The following CACNB2 variants were observed in gnomAD, a reference collection of about 807,000 sequenced individuals.
The protein encoded by CACNB2 is calcium voltage-gated channel auxiliary subunit beta 2.
A neutral mutation model predicts 73.3 loss-of-function variants in CACNB2; 42 were observed. That is an observed-to-expected ratio of 0.57 (90% CI 0.45 to 0.74). CACNB2 has a LOEUF of 0.74. CACNB2 is among the 30% of genes least tolerant of loss of function. The probability of loss-of-function intolerance (pLI) is 0.00; values close to 1 mark genes in which losing one functional copy is unlikely to be tolerated. For missense variants in CACNB2, 940 were observed against 853.0 expected (o/e 1.10, Z -1.27); for synonymous variants, 348 against 310.3 (o/e 1.12, Z -1.28).
chr10:18,496,780 C>T (rs2049846260), intron 3 of CACNB2, among the ~76,000 whole-genome samples: 1 of 131,924 alleles, frequency 7.6e-6, no homozygotes, highest in Non-Finnish European at 1.5e-5. Flanking sequence ...TGCCATTGCT[C>T]TCCAGCTTGG....
chr10:18,279,744 G>A (rs2038459763), intron 2 of CACNB2, among the ~76,000 whole-genome samples: 1 of 152,190 alleles, frequency 6.6e-6, no homozygotes, highest in Non-Finnish European at 1.5e-5. Context: ...GCTCTTCAAA[G>A]TCATTGGTAC....
In CACNB2 at chr10:18,289,294, TTTG is replaced by T. The variant is rs1268532237; in HGVS notation, c.214-112627_214-112625del. Among the ~76,000 whole-genome samples, 212 of 56,146 alleles carry T rather than the reference TTTG, an allele frequency of 3.8e-3. 23 individuals are homozygous for T. The highest frequency in any genetic ancestry group is 0.019 in the African/African-American group (184 of 9,586). 36.8% of individuals were successfully genotyped at this position (56,146 alleles called of 152,430 possible). On this transcript the variant is annotated intron_variant, in intron 2 of 13. Coordinates refer to ENST00000324631, the MANE Select transcript of CACNB2 (RefSeq NM_201596.3). ...TCATTTTTTTTTCTTGTTTTTTTGT[TTTG>T]TTTTTTTTTTTTTTTGAGATGGGGT... is the stretch of plus-strand genomic sequence containing the variant.
intron 3 of CACNB2, among the ~76,000 whole-genome samples, chr10:18,406,602 T>G (rs2044300961): frequency 6.6e-6 from 1 of 152,220 alleles, no homozygotes; most frequent in Non-Finnish European, 1.5e-5. Context: ...CACCCCTGGA[T>G]GGGACCATCT....
intron 11 of CACNB2, among the ~76,000 whole-genome samples, chr10:18,535,479 TA>T (rs559995842): frequency 6.6e-6 from 1 of 151,840 alleles, no homozygotes; most frequent in Non-Finnish European, 1.5e-5. Context: ...CTATTTTTAT[TA>T]AAAAAAATTC....
intron 2 of CACNB2, chr10:18,238,514 T>C (rs1353332079): frequency 6.6e-6 from 1 of 152,194 alleles, no homozygotes; most frequent in Non-Finnish European, 1.5e-5. Context: ...TTCCATCCAA[T>C]GTGAACCTAA....
chr10:18,215,453 G>T (rs923240274), intron 2 of CACNB2, among the ~76,000 whole-genome samples: 1 of 152,124 alleles, frequency 6.6e-6, no homozygotes, highest in Non-Finnish European at 1.5e-5. Context: ...GATTTGCAAA[G>T]AATTTTAAGT....
At chr10:18,261,566 C>T (rs2037544577) in intron 2 of CACNB2, among the ~76,000 whole-genome samples, 2 of 152,064 alleles carry the variant, frequency 1.3e-5, no homozygotes, top group Non-Finnish European at 2.9e-5. Context: ...ATAACTTGCG[C>T]GGGGATTGGT....
At chr10:18,338,342 A>C (rs1564448269) in intron 2 of CACNB2, among the ~76,000 whole-genome samples, 1 of 152,222 alleles carries the variant, frequency 6.6e-6, no homozygotes, top group African/African-American at 2.4e-5. Context: ...AGGGAAATGC[A>C]AGTCAAAATC....
At chr10:18,348,233 T>C (rs55757115) in intron 2 of CACNB2, among the ~76,000 whole-genome samples, 2,830 of 152,338 alleles carry the variant, frequency 0.019, 44 homozygotes, top group Non-Finnish European at 0.026. Flanking sequence ...TAGACATAAA[T>C]ATTTAAAGAA....
In CACNB2 at chr10:18,498,386, A is replaced by G. The variant is rs2049967064; in HGVS notation, c.365A>G (p.Asn122Ser). ...CCCGTTGCATTTGCGGTTCGGACAA[A>G]TGTCAGCTACAGTGCGGCCCATGAA... is the stretch of plus-strand genomic sequence containing the variant. ...TKPVAFAVRT[N>S]VSYSAAHEDD... Residue 122 changes from asparagine (N) to serine (S), a missense_variant, in exon 4 of 14, where the codon AAT (asparagine) becomes AGT (serine). Asn to Ser is a conservative substitution (Grantham distance 46). Coordinates refer to ENST00000324631, the MANE Select transcript of CACNB2 (RefSeq NM_201596.3). 6.2e-7 allele frequency: 1 copy of G among 1,614,120 alleles called. No homozygotes were observed. The highest frequency in any genetic ancestry group is 8.5e-7 in the Non-Finnish European group (1 of 1,180,000).
intron 3 of CACNB2, among the ~76,000 whole-genome samples, chr10:18,483,014 A>G (rs2048867391): frequency 6.6e-6 from 1 of 152,070 alleles, no homozygotes. Context: ...CGGCCCCTTC[A>G]AACAGAGCAA....
intron 2 of CACNB2, among the ~76,000 whole-genome samples, chr10:18,221,905 T>C (rs1003624865): frequency 2.6e-5 from 4 of 152,200 alleles, no homozygotes; most frequent in African/African-American, 4.8e-5. Flanking sequence ...GAAAGTAGCA[T>C]TGGCCCAATT....
intron 3 of CACNB2, among the ~76,000 whole-genome samples, chr10:18,446,450 G>T (rs2046738306): frequency 6.6e-6 from 1 of 152,142 alleles, no homozygotes. Flanking sequence ...GCAGGGGCCT[G>T]ACATGTTAAG....
chr10:18,509,460 A>G (rs1403065648), intron 6 of CACNB2, among the ~76,000 whole-genome samples: 1 of 152,174 alleles, frequency 6.6e-6, no homozygotes, highest in Non-Finnish European at 1.5e-5. Context: ...TGTCAAGCCC[A>G]AGCTCTGCTT....
rs542900897 is a variant in CACNB2 at position 18,505,146 on chromosome 10, T to TAAA, written c.594-1325_594-1324insAAA. Among the ~76,000 whole-genome samples the TAAA allele has an allele frequency of 2.7e-3, 406 of 152,224 alleles. 3 individuals carry two copies. The highest frequency in any genetic ancestry group is 9.4e-3 in the African/African-American group (392 of 41,536). On this transcript the variant is annotated intron_variant, in intron 5 of 13. Coordinates refer to ENST00000324631, the MANE Select transcript of CACNB2 (RefSeq NM_201596.3). Reference sequence around the variant, plus strand: ...CTGGTCATTGTCACCATTTGCAGCATTTGTCACAATTTTACATAAATAATA... The same window carrying TAAA: ...CTGGTCATTGTCACCATTTGCAGCATAAATTGTCACAATTTTACATAAATAATA...
chr10:18,400,565 C>A (rs1014459550), intron 2 of CACNB2: 13 of 1,021,200 alleles, frequency 1.3e-5, no homozygotes, highest in East Asian at 9.6e-5. Context: ...CCGCCTCCCC[C>A]CTCCCCCTCG....
At chr10:18,482,458 G>A (rs962087866) in intron 3 of CACNB2, among the ~76,000 whole-genome samples, 11 of 152,086 alleles carry the variant, frequency 7.2e-5, no homozygotes, top group African/African-American at 2.7e-4. Context: ...AATATCTCCT[G>A]GCTAGACTGA....
chr10:18,270,175 G>A (rs990080360), intron 2 of CACNB2, among the ~76,000 whole-genome samples: 7 of 152,084 alleles, frequency 4.6e-5, no homozygotes, highest in Non-Finnish European at 7.4e-5. Flanking sequence ...TTCACGTGGC[G>A]GCAGGAGAGA....
chr10:18,298,569 A>G (rs1341539962), intron 2 of CACNB2, among the ~76,000 whole-genome samples: 1 of 152,192 alleles, frequency 6.6e-6, no homozygotes, highest in Non-Finnish European at 1.5e-5. Context: ...ACAATGTGCA[A>G]TGTGTTACCA....
Sources: gnomAD v4.1 joint callset for allele counts (sites outside exome capture counted in the v4.1 genomes callset) on GRCh38, gnomAD v4.1.1 for gene constraint, MANE v1.5 for transcripts, NCBI Gene and HGNC (gene_info 2026-07-23, HGNC 2026-07-21) for gene names.